The following BTBD8 variants were observed in gnomAD, a reference collection of about 807,000 sequenced individuals.
BTBD8 encodes BTB/POZ domain-containing protein 8.
BTBD8 carries 110 observed loss-of-function variants against 162.9 expected under a neutral mutation model. The ratio of observed to expected loss-of-function variants is 0.68; its 90% CI spans 0.58 to 0.79. The LOEUF (loss-of-function observed/expected upper bound fraction) is 0.79, where lower values mean the gene tolerates loss of function less well. Ranked by LOEUF, BTBD8 falls within the 30% of genes least tolerant of loss-of-function variation. BTBD8 has a pLI of 0.00. For missense variants in BTBD8, 1,905 were observed against 2,085.4 expected, an observed-to-expected ratio of 0.91 and a Z score of 1.68; for synonymous variants, 667 against 716.1, an observed-to-expected ratio of 0.93 and a Z score of 1.10.
At chr1:92,120,441 C>CT (rs933589967) in intron 4 of BTBD8, among the ~76,000 whole-genome samples, 17 of 151,222 alleles carry the variant, frequency 1.1e-4, no homozygotes, top group South Asian at 4.2e-4. Context: ...TAACAGTTAA[C>CT]TTTTTTTTTA....
intron 4 of BTBD8, chr1:92,115,352 A>T: frequency 2.2e-6 from 1 of 458,930 alleles, no homozygotes; most frequent in Non-Finnish European, 4.2e-6. Flanking sequence ...AGTTGGTGGT[A>T]CAGGAGACAT....
chr1:92,084,297 G>T (rs1416605198), intron 1 of BTBD8, among the ~76,000 whole-genome samples: 1 of 151,934 alleles, frequency 6.6e-6, no homozygotes, highest in African/African-American at 2.4e-5. Flanking sequence ...CAAACCATTT[G>T]CAGGGCAAAC....
chr1:92,136,202 C>G (rs1649627828), intron 5 of BTBD8, among the ~76,000 whole-genome samples: 1 of 152,186 alleles, frequency 6.6e-6, no homozygotes, highest in Admixed American at 6.5e-5. Flanking sequence ...TGAGAAGATG[C>G]TGTAAGTGCC....
chr1:92,115,408 T>G (rs1649009257), intron 4 of BTBD8: 1 of 493,174 alleles, frequency 2.0e-6, no homozygotes, highest in Middle Eastern at 6.8e-4. Flanking sequence ...CTCATGCCCA[T>G]CACGAACATG....
rs529300982 is a variant in BTBD8 at position 92,095,498 on chromosome 1, A to G, written c.347+6603A>G. Reference sequence around the variant, plus strand: ...TGTCTCCTGATCTGTTGGCCTCACTATACCTGAATAACACCAAAATTTCTG... The same window carrying G: ...TGTCTCCTGATCTGTTGGCCTCACTGTACCTGAATAACACCAAAATTTCTG... On this transcript the variant is annotated intron_variant, in intron 2 of 17. Transcript: ENST00000636805. Among the ~76,000 whole-genome samples the G allele has an allele frequency of 1.0e-3, 154 of 152,290 alleles. 1 individual carries two copies. The highest frequency in any genetic ancestry group is 3.1e-3 in the African/African-American group (129 of 41,550).
chr1:92,097,377 CT>C (rs1648480058), intron 2 of BTBD8, among the ~76,000 whole-genome samples: 1 of 152,114 alleles, frequency 6.6e-6, no homozygotes, highest in Admixed American at 6.5e-5. Flanking sequence ...CCCATCTACT[CT>C]TTTTTTAATG....
At chr1:92,119,947 C>T (rs1193263307) in intron 4 of BTBD8, among the ~76,000 whole-genome samples, 1 of 121,782 alleles carries the variant, frequency 8.2e-6, no homozygotes, top group African/African-American at 3.2e-5. Flanking sequence ...ATTGCCCAGG[C>T]TGGAGTGCAA....
intron 5 of BTBD8, among the ~76,000 whole-genome samples, chr1:92,134,490 A>C (rs1476041295): frequency 1.3e-5 from 2 of 152,018 alleles, no homozygotes; most frequent in Non-Finnish European, 2.9e-5. Flanking sequence ...TCTGCCTAAG[A>C]GTTTTTCACC....
Position 92,168,942 on chromosome 1 carries a change from A to G in BTBD8, c.1520A>G (p.His507Arg). ...FLVQSFYAVR[H>R]TESWKLMSTD... ...GTTCAGTCTTTCTATGCTGTTCGTCACACAGAAAGCTGGAAGCTGATGAGC... is the reference window on the plus strand; with the variant it reads ...GTTCAGTCTTTCTATGCTGTTCGTCGCACAGAAAGCTGGAAGCTGATGAGC... Residue 507 changes from histidine to arginine, a missense_variant, in exon 12 of 18, where the codon CAC becomes CGC. Coordinates refer to ENST00000636805, the MANE Select transcript of BTBD8 (RefSeq NM_001376131.1). 1.9e-6 allele frequency: 3 copies of G among 1,544,034 alleles called. No individual in the cohort carries two copies. The highest frequency in any genetic ancestry group is 2.6e-6 in the Non-Finnish European group (3 of 1,141,320).
intron 13 of BTBD8, among the ~76,000 whole-genome samples, chr1:92,172,566 A>G (rs1338181452): frequency 6.6e-6 from 1 of 152,200 alleles, no homozygotes; most frequent in South Asian, 2.1e-4. Flanking sequence ...ACAGATGTTC[A>G]CTTAACCAAT....
chr1:92,173,899 G>A (rs1441664815), intron 13 of BTBD8, among the ~76,000 whole-genome samples: 2 of 152,172 alleles, frequency 1.3e-5, no homozygotes, highest in Non-Finnish European at 2.9e-5. Flanking sequence ...TAGGAGGTGG[G>A]AGAAAGTTAA....
intron 7 of BTBD8, among the ~76,000 whole-genome samples, chr1:92,146,766 A>G (rs1379326355): frequency 6.6e-6 from 1 of 152,232 alleles, no homozygotes; most frequent in East Asian, 1.9e-4. Flanking sequence ...AGATCCCCCC[A>G]TGTCTTTTCA....
At position 92,177,347 on chromosome 1, in the gene BTBD8, A is replaced by G; in HGVS notation, c.2154A>G (p.Pro718=). ...PLKKATGKDS[P]CLSIAGPSSR... ...AGAAAGCTACAGGGAAGGATTCACC[A>G]TGCCTCAGCATCGCAGGACCCTCCA... The change falls in exon 14 of 18, where the codon CCA becomes CCG. Residue 718 remains proline, a synonymous_variant. Transcript: ENST00000636805. The G allele has an allele frequency of 6.4e-7, 1 of 1,551,836 alleles. No individual in the cohort carries two copies. The highest frequency in any genetic ancestry group is 8.7e-7 in the Non-Finnish European group (1 of 1,147,026).
rs1381560049 is a variant in BTBD8, at chr1:92,171,311, C to CT, written c.1574-82dup. The CT allele has an allele frequency of 1.8e-5, 17 of 968,442 alleles. No homozygotes were observed. The Admixed American group carries it at 3.4e-4, about 19-fold the overall frequency. The allele number at this position is 968,442 out of a possible 1,614,324, so 60.0% of individuals were successfully genotyped here. A position where few individuals can be genotyped will look rare whatever the true frequency, so the allele number is the denominator to read the frequency against. The stretch of plus-strand genomic sequence containing the variant: ...TAAGTTATTTCCATCAAAATATAAC[C>CT]TTTTTTCTACTGACATACTATTTTT... On this transcript the variant is annotated intron_variant, in intron 12 of 17. Coordinates refer to ENST00000636805, the MANE Select transcript of BTBD8 (RefSeq NM_001376131.1).
intron 4 of BTBD8, among the ~76,000 whole-genome samples, chr1:92,110,422 A>G (rs1308662132): frequency 6.6e-6 from 1 of 152,234 alleles, no homozygotes; most frequent in Non-Finnish European, 1.5e-5. Flanking sequence ...ATTAAATTAC[A>G]GTTGTTACTG....
chr1:92,117,145 C>T (rs1264843035), intron 4 of BTBD8, among the ~76,000 whole-genome samples: 1 of 151,878 alleles, frequency 6.6e-6, no homozygotes, highest in Non-Finnish European at 1.5e-5. Flanking sequence ...CTACCATACT[C>T]AGCCCTAAAA....
chr1:92,130,442 G>C (rs1425916778), intron 5 of BTBD8, among the ~76,000 whole-genome samples: 1 of 150,886 alleles, frequency 6.6e-6, no homozygotes, highest in Non-Finnish European at 1.5e-5. Context: ...TGGCTCAGGA[G>C]TTTGAGGCTG....
chr1:92,177,754 C>G (rs957414414), intron 14 of BTBD8, 57 bp from the exon 15 acceptor site: 2 of 1,041,818 alleles, frequency 1.9e-6, no homozygotes, highest in African/African-American at 3.2e-5. Flanking sequence ...TAAACTTACA[C>G]GTTTGTTACA....
chr1:92,125,727 G>A lies in BTBD8; in HGVS notation c.663-3960G>A, dbSNP rs905181361. On this transcript the variant is annotated intron_variant, in intron 4 of 17. Transcript: ENST00000636805. ...TTTAGCCAAAGCCATTGAAAAGAAT[G>A]TGCTGATTTCACATCTTGATGATAA... The A allele has an allele frequency of 3.4e-5, 15 of 440,076 alleles. No individual in the cohort carries two copies. In the Admixed American group the frequency reaches 3.7e-4, roughly 11 times the overall value. The allele number at this position is 440,076 out of a possible 1,614,324, so 27.3% of individuals were successfully genotyped here. A position where few individuals can be genotyped will look rare whatever the true frequency, so the allele number is the denominator to read the frequency against.
Sources: allele counts gnomAD v4.1 joint callset (sites outside exome capture counted in the v4.1 genomes callset), GRCh38; gene constraint gnomAD v4.1.1; transcripts MANE v1.5; gene names NCBI Gene and HGNC (gene_info 2026-07-23, HGNC 2026-07-21).